MACROD2: variants seen among roughly 807,000 people sequenced by gnomAD.
MACROD2 encodes the protein mono-ADP ribosylhydrolase 2.
A neutral mutation model predicts 70.4 loss-of-function variants in MACROD2; 36 were observed. The observed-to-expected ratio is 0.51, with a 90% CI of 0.39 to 0.68. The LOEUF (loss-of-function observed/expected upper bound fraction) is 0.68. Ranked by LOEUF, MACROD2 falls within the 30% of genes least tolerant of loss-of-function variation. The pLI, the probability that MACROD2 is intolerant of heterozygous loss-of-function variation, is 0.00. For missense variants in MACROD2, 496 were observed against 538.4 expected, an observed-to-expected ratio of 0.92 and a Z score of 0.78; for synonymous variants, 172 against 178.8, an observed-to-expected ratio of 0.96 and a Z score of 0.30.
intron 5 of MACROD2, among the ~76,000 whole-genome samples, chr20:14,872,470 T>C (rs1053388352): frequency 6.6e-6 from 1 of 152,088 alleles, no homozygotes; most frequent in Admixed American, 6.6e-5. Context: ...CTGACAGGGA[T>C]CCAGGTTGCC....
chr20:15,768,138 CTGTG>C lies in MACROD2; in HGVS notation c.646-94589_646-94586del, dbSNP rs557053436. 8.1e-3 allele frequency among the ~76,000 whole-genome samples: 1,199 copies of C among 148,626 alleles called. 14 individuals carry two copies. Among genetic ancestry groups the C allele is most frequent in the African/African-American group, 0.026 (1,073 of 40,876 alleles). On this transcript the variant is annotated intron_variant, in intron 8 of 17. Transcript: ENST00000684519. ...TGTGTGTGTGTTTGTGTGTATGTGT[CTGTG>C]TGTGTGTGTGTGTGTGTAGTCGTGC...
chr20:14,489,845 A>G (rs1018515397), intron 3 of MACROD2, among the ~76,000 whole-genome samples: 4 of 148,802 alleles, frequency 2.7e-5, no homozygotes, highest in African/African-American at 7.5e-5. Context: ...AAGAAAAAAA[A>G]TATTTGAAAT....
intron 5 of MACROD2, among the ~76,000 whole-genome samples, chr20:14,981,613 G>A (rs1322551124): frequency 6.6e-6 from 1 of 151,968 alleles, no homozygotes; most frequent in Non-Finnish European, 1.5e-5. Flanking sequence ...TCTTGTGATA[G>A]TGAATAAGTC....
At chr20:14,313,534 A>G (rs6135115) in intron 3 of MACROD2, among the ~76,000 whole-genome samples, 29,190 of 151,586 alleles carry the variant, frequency 0.19, 3,045 homozygotes, top group South Asian at 0.34. Flanking sequence ...AAAAGCGAAG[A>G]ATTGGCAGAA....
At chr20:15,914,395 T>A (rs2065281469) in intron 10 of MACROD2, among the ~76,000 whole-genome samples, 1 of 152,222 alleles carries the variant, frequency 6.6e-6, no homozygotes, top group African/African-American at 2.4e-5. Context: ...AACCTGGACA[T>A]GAACCTAAGG....
chr20:14,483,750 A>C (rs1423196554), intron 3 of MACROD2, among the ~76,000 whole-genome samples: 1 of 152,210 alleles, frequency 6.6e-6, no homozygotes, highest in Non-Finnish European at 1.5e-5. Context: ...AGTATACTTT[A>C]AATTTTCAAG....
At chr20:15,096,156 T>C (rs1383067492) in intron 5 of MACROD2, among the ~76,000 whole-genome samples, 2 of 152,136 alleles carry the variant, frequency 1.3e-5, no homozygotes, top group Non-Finnish European at 2.9e-5. Context: ...CCACGAATAA[T>C]GGAGCTTGCC....
At chr20:15,386,646 C>G (rs978949109) in intron 6 of MACROD2, among the ~76,000 whole-genome samples, 2 of 152,070 alleles carry the variant, frequency 1.3e-5, no homozygotes, top group African/African-American at 2.4e-5. Context: ...AATATCAGAC[C>G]CCTTGCAATT....
chr20:15,271,724 C>G (rs371878693), intron 6 of MACROD2, among the ~76,000 whole-genome samples: 4 of 152,296 alleles, frequency 2.6e-5, no homozygotes, highest in African/African-American at 7.2e-5. Flanking sequence ...GATGTTCTCT[C>G]TGCCTTACTC....
At chr20:14,425,988 G>T (rs1432497861) in intron 3 of MACROD2, among the ~76,000 whole-genome samples, 1 of 152,068 alleles carries the variant, frequency 6.6e-6, no homozygotes, top group African/African-American at 2.4e-5. Flanking sequence ...TGAAAGAATT[G>T]TTTTTGTTTT....
At chr20:14,553,899 A>G (rs1033853356) in intron 4 of MACROD2, among the ~76,000 whole-genome samples, 4 of 152,126 alleles carry the variant, frequency 2.6e-5, no homozygotes, top group Admixed American at 2.0e-4. Flanking sequence ...AATTCTGAGC[A>G]TGGTTTTCCA....
chr20:14,812,383 G>A lies in MACROD2; in HGVS notation c.418+127424G>A, dbSNP rs576581165. On this transcript the variant is annotated intron_variant, in intron 5 of 17. Transcript: ENST00000684519. Reference sequence around the variant, plus strand: ...GGAATTGAACAATGGTAACATATGGGCACAGTGAGGGGAACATCACACACC... The same window carrying A: ...GGAATTGAACAATGGTAACATATGGACACAGTGAGGGGAACATCACACACC... Among the ~76,000 whole-genome samples, 6 of 151,950 alleles carry A rather than the reference G, an allele frequency of 3.9e-5. No individual in the cohort carries two copies. The South Asian group carries it at 1.2e-3, about 32-fold the overall frequency.
intron 15 of MACROD2, among the ~76,000 whole-genome samples, chr20:16,011,914 C>CA (rs2066868709): frequency 6.6e-6 from 1 of 152,220 alleles, no homozygotes; most frequent in African/African-American, 2.4e-5. Flanking sequence ...GTGATGCCCC[C>CA]AGTGATGTGC....
chr20:14,025,283 TTCTA>T (rs1265565418), intron 2 of MACROD2, among the ~76,000 whole-genome samples: 2 of 152,068 alleles, frequency 1.3e-5, no homozygotes, highest in Non-Finnish European at 2.9e-5. Flanking sequence ...CTGGGTAGCG[TTCTA>T]TCTATTTTGT....
intron 3 of MACROD2, among the ~76,000 whole-genome samples, chr20:14,258,113 A>G (rs535228338): frequency 6.6e-6 from 1 of 151,930 alleles, no homozygotes; most frequent in Admixed American, 6.6e-5. Flanking sequence ...TATATGCCAC[A>G]TTTTCTTTAT....
chr20:15,367,979 T>G (rs1229251882), intron 6 of MACROD2, among the ~76,000 whole-genome samples: 1 of 152,192 alleles, frequency 6.6e-6, no homozygotes, highest in African/African-American at 2.4e-5. Context: ...TGGTCCTCAT[T>G]TGTTTCCACA....
Position 14,143,485 on chromosome 20 carries a change from C to T in MACROD2, c.271+57757C>T, listed in dbSNP as rs548905538. Reference sequence around the variant, plus strand: ...AGCATTTTATCACAATGTGATAATTCTGTTTAATGTGGAAATGGTTACAAA... The same window carrying T: ...AGCATTTTATCACAATGTGATAATTTTGTTTAATGTGGAAATGGTTACAAA... On this transcript the variant is annotated intron_variant, in intron 3 of 17. Coordinates refer to ENST00000684519, the MANE Select transcript of MACROD2 (RefSeq NM_001351661.2). Among the ~76,000 whole-genome samples the T allele has an allele frequency of 2.0e-5, 3 of 151,914 alleles. No homozygotes were observed. The East Asian group carries it at 5.8e-4, about 29-fold the overall frequency.
chr20:14,958,324 G>A (rs1005715720), intron 5 of MACROD2, among the ~76,000 whole-genome samples: 1 of 152,128 alleles, frequency 6.6e-6, no homozygotes, highest in East Asian at 1.9e-4. Context: ...CTTGACATTG[G>A]CTCAGGACAA....
intron 5 of MACROD2, chr20:14,905,378 A>C (rs1472952755): frequency 6.6e-6 from 1 of 152,120 alleles, no homozygotes; most frequent in Non-Finnish European, 1.5e-5. Flanking sequence ...GATTACTATG[A>C]AGTCAAACTG....
Sources: allele counts gnomAD v4.1 joint callset (sites outside exome capture counted in the v4.1 genomes callset), GRCh38; gene constraint gnomAD v4.1.1; transcripts MANE v1.5; gene names NCBI Gene and HGNC (gene_info 2026-07-23, HGNC 2026-07-21).